The following ATXN1 variants were observed in gnomAD, a reference collection of about 807,000 sequenced individuals.
ATXN1 encodes ataxin-1.
Under a neutral mutation model 56.4 loss-of-function variants are expected in ATXN1, and 8 were observed. The observed-to-expected ratio is 0.14, with a 90% CI of 0.08 to 0.26. ATXN1 has a LOEUF of 0.26. Among genes scored for constraint, ATXN1 ranks in the 10% least tolerant of loss-of-function variants. ATXN1 has a pLI of 1.00. For missense variants in ATXN1, 987 were observed against 1,106.5 expected (o/e 0.89, Z 1.53); for synonymous variants, 514 against 494.6 (o/e 1.04, Z -0.52).
intron 4 of ATXN1, among the ~76,000 whole-genome samples, chr6:16,575,882 T>G (rs1275552448): frequency 6.6e-6 from 1 of 152,198 alleles, no homozygotes; most frequent in African/African-American, 2.4e-5. Context: ...TCCCTTCTAT[T>G]GTACTGCTTG....
chr6:16,375,086 A>C (rs2113496801), intron 6 of ATXN1, among the ~76,000 whole-genome samples: 1 of 152,344 alleles, frequency 6.6e-6, no homozygotes, highest in East Asian at 1.9e-4. Context: ...ACAATGAAGA[A>C]AGGCAAGGCT....
At chr6:16,368,480 G>A (rs1761975206) in intron 6 of ATXN1, among the ~76,000 whole-genome samples, 2 of 150,908 alleles carry the variant, frequency 1.3e-5, no homozygotes, top group African/African-American at 4.9e-5. Flanking sequence ...TTTGATAAAT[G>A]TCTCAATCGG....
intron 6 of ATXN1, among the ~76,000 whole-genome samples, chr6:16,475,731 T>C (rs1270439462): frequency 6.6e-6 from 1 of 152,014 alleles, no homozygotes; most frequent in Admixed American, 6.6e-5. Flanking sequence ...GATAAGGAAA[T>C]AGAGGCACCC....
chr6:16,441,110 A>G (rs1408810812), intron 6 of ATXN1, among the ~76,000 whole-genome samples: 1 of 152,176 alleles, frequency 6.6e-6, no homozygotes, highest in Non-Finnish European at 1.5e-5. Flanking sequence ...GAGGGCAAGG[A>G]ACCCTGGGAA....
chr6:16,586,618 TA>T (rs1762629467), intron 3 of ATXN1, among the ~76,000 whole-genome samples: 1 of 152,218 alleles, frequency 6.6e-6, no homozygotes, highest in Non-Finnish European at 1.5e-5. Flanking sequence ...CAACGGATGT[TA>T]AAGCCAGTAC....
intron 2 of ATXN1, among the ~76,000 whole-genome samples, chr6:16,748,516 CCA>C (rs1306361948): frequency 3.3e-5 from 5 of 152,274 alleles, no homozygotes; most frequent in East Asian, 1.9e-4. Flanking sequence ...CCTCTCTGTG[CCA>C]CAGTTTCCTC....
At chr6:16,461,341 C>T (rs925927576) in intron 6 of ATXN1, among the ~76,000 whole-genome samples, 13 of 152,170 alleles carry the variant, frequency 8.5e-5, no homozygotes, top group African/African-American at 9.7e-5. Flanking sequence ...ATACTTAAGA[C>T]CCCCTGCCAA....
chr6:16,438,513 A>G (rs1185061693), intron 6 of ATXN1, among the ~76,000 whole-genome samples: 2 of 152,322 alleles, frequency 1.3e-5, no homozygotes, highest in East Asian at 3.9e-4. Flanking sequence ...TGTTCAATCC[A>G]TCTCCCTTGT....
chr6:16,306,263 CTACAG>C lies in ATXN1; in HGVS notation c.*61_*65del. On this transcript the variant is annotated 3_prime_UTR_variant, in exon 8 of 8. Transcript: ENST00000436367. The surrounding 1 kb of genome is among the most constrained non-coding windows in gnomAD (Gnocchi z 5.2). Reference sequence around the variant, plus strand: ...CATGTAAATACTGTGTTATTTTAGCCTACAGTACAGTAATCTGGATACAAATGATA... The same window carrying C: ...CATGTAAATACTGTGTTATTTTAGCCTACAGTAATCTGGATACAAATGATA... 2.0e-6 allele frequency: 3 copies of C among 1,495,028 alleles called. No homozygotes were observed. Among genetic ancestry groups the C allele is most frequent in the South Asian group, 1.3e-5 (1 of 75,366 alleles). 92.6% of individuals were successfully genotyped at this position (1,495,028 alleles called of 1,614,324 possible).
chr6:16,403,417 C>T (rs1758621770), intron 6 of ATXN1, among the ~76,000 whole-genome samples: 1 of 152,188 alleles, frequency 6.6e-6, no homozygotes, highest in African/African-American at 2.4e-5. Context: ...GTGGTGTAAT[C>T]TCAGCTCACT....
At chr6:16,592,253 C>T (rs1448986269) in intron 3 of ATXN1, among the ~76,000 whole-genome samples, 5 of 152,172 alleles carry the variant, frequency 3.3e-5, no homozygotes, top group Non-Finnish European at 7.3e-5. Flanking sequence ...AGCAGCAGAA[C>T]ATCAGTCCCA....
chr6:16,355,284 C>A (rs1761662150), intron 6 of ATXN1, among the ~76,000 whole-genome samples: 1 of 152,216 alleles, frequency 6.6e-6, no homozygotes, highest in African/African-American at 2.4e-5. Flanking sequence ...AAACCAGGGG[C>A]ACCTAAAACC....
chr6:16,473,469 C>T (rs1351570457), intron 6 of ATXN1, among the ~76,000 whole-genome samples: 1 of 152,130 alleles, frequency 6.6e-6, no homozygotes, highest in Non-Finnish European at 1.5e-5. Flanking sequence ...TATCCGAGGT[C>T]AGAGAAGCAT....
intron 6 of ATXN1, among the ~76,000 whole-genome samples, chr6:16,389,962 T>C (rs1758319143): frequency 6.6e-6 from 1 of 152,226 alleles, no homozygotes; most frequent in Non-Finnish European, 1.5e-5. Context: ...AGCTATGTTC[T>C]TGCTATTCAT....
chr6:16,658,877 A>C (rs924859624), intron 2 of ATXN1, among the ~76,000 whole-genome samples: 3 of 152,180 alleles, frequency 2.0e-5, no homozygotes, highest in Admixed American at 6.5e-5. Flanking sequence ...AAACTCCATA[A>C]ATCTCCAAAG....
At chr6:16,354,583 A>G in intron 6 of ATXN1, among the ~76,000 whole-genome samples, 1 of 152,276 alleles carries the variant, frequency 6.6e-6, no homozygotes, top group East Asian at 1.9e-4. Flanking sequence ...TACACATGGA[A>G]TTTGTTTGTA....
chr6:16,632,680 CA>C lies in ATXN1; in HGVS notation c.-489+25095del, dbSNP rs569879060. On this transcript the variant is annotated intron_variant, in intron 3 of 7. Coordinates refer to ENST00000436367, the MANE Select transcript of ATXN1 (RefSeq NM_001128164.2). ...GAGGGGGGTTAAGAAAAAAAAAATG[CA>C]AAAAACAAGAATTACCATGCCACAA... 4.2e-4 allele frequency among the ~76,000 whole-genome samples: 64 copies of C among 151,508 alleles called. No individual in the cohort carries two copies. In the South Asian group the frequency reaches 7.5e-3, roughly 18 times the overall value.
chr6:16,724,789 T>C (rs1045832103), intron 2 of ATXN1, among the ~76,000 whole-genome samples: 7 of 151,812 alleles, frequency 4.6e-5, no homozygotes, highest in Admixed American at 1.3e-4. Flanking sequence ...ATTACTGTCA[T>C]GACTCAGAGG....
chr6:16,546,266 C>T (rs1007250629), intron 4 of ATXN1, among the ~76,000 whole-genome samples: 3 of 152,196 alleles, frequency 2.0e-5, no homozygotes, highest in African/African-American at 7.2e-5. Flanking sequence ...AAGCAAATCC[C>T]AGAACTGTAA....
Sources: allele counts gnomAD v4.1 joint callset (sites outside exome capture counted in the v4.1 genomes callset), GRCh38; gene constraint gnomAD v4.1.1; non-coding constraint Gnocchi (gnomAD v3.1); transcripts MANE v1.5; gene names NCBI Gene and HGNC (gene_info 2026-07-23, HGNC 2026-07-21).